The following MBOAT2 variants were observed in gnomAD, a reference collection of about 807,000 sequenced individuals.
MBOAT2 encodes the protein membrane-bound glycerophospholipid O-acyltransferase 2.
A neutral mutation model predicts 63.4 loss-of-function variants in MBOAT2; 28 were observed. That is an observed-to-expected ratio of 0.44 (90% CI 0.33 to 0.61). The LOEUF (loss-of-function observed/expected upper bound fraction) is 0.61. MBOAT2 is among the 20% of genes least tolerant of loss of function. The probability of loss-of-function intolerance (pLI) is 0.03; values close to 1 mark genes in which losing one functional copy is unlikely to be tolerated. For missense variants in MBOAT2, 470 were observed against 605.8 expected, an observed-to-expected ratio of 0.78 and a Z score of 2.35; for synonymous variants, 211 against 215.6, an observed-to-expected ratio of 0.98 and a Z score of 0.19.
At chr2:8,915,750 C>T (rs1403323590) in intron 3 of MBOAT2, among the ~76,000 whole-genome samples, 1 of 152,192 alleles carries the variant, frequency 6.6e-6, no homozygotes, top group Non-Finnish European at 1.5e-5. Context: ...CACTGAATGT[C>T]TTCAAATAGA....
intron 2 of MBOAT2, among the ~76,000 whole-genome samples, chr2:8,945,854 A>G (rs931094357): frequency 6.6e-6 from 1 of 152,254 alleles, no homozygotes; most frequent in African/African-American, 2.4e-5. Flanking sequence ...GGTTTAAAAA[A>G]AGGTTGAAAA....
chr2:8,931,504 T>C (rs1300622689), intron 3 of MBOAT2, among the ~76,000 whole-genome samples: 2 of 152,208 alleles, frequency 1.3e-5, no homozygotes, highest in Admixed American at 1.3e-4. Flanking sequence ...GTCAGATGGT[T>C]AGATTGCAAA....
chr2:8,979,935 C>A (rs1427628877), intron 1 of MBOAT2, among the ~76,000 whole-genome samples: 2 of 152,118 alleles, frequency 1.3e-5, no homozygotes, highest in Non-Finnish European at 2.9e-5. Context: ...AGATGGAAAA[C>A]CATCTGTGCA....
At chr2:9,000,472 C>T (rs976564609) in intron 1 of MBOAT2, among the ~76,000 whole-genome samples, 2 of 152,202 alleles carry the variant, frequency 1.3e-5, no homozygotes, top group Admixed American at 6.5e-5. Flanking sequence ...CAAAGAACAA[C>T]TTATTATCAC....
intron 3 of MBOAT2, among the ~76,000 whole-genome samples, chr2:8,932,562 T>A: frequency 6.6e-6 from 1 of 152,124 alleles, no homozygotes; most frequent in African/African-American, 2.4e-5. Context: ...TTTACAAGAA[T>A]CTCACTAAAT....
intron 5 of MBOAT2, 85 bp from the exon 6 acceptor site, chr2:8,882,650 CA>C: frequency 8.4e-7 from 1 of 1,195,198 alleles, no homozygotes; most frequent in Non-Finnish European, 1.2e-6. Context: ...TTACTTTCCT[CA>C]TTTGAAATTC....
intron 4 of MBOAT2, among the ~76,000 whole-genome samples, chr2:8,892,196 G>A (rs993719725): frequency 6.6e-6 from 1 of 152,166 alleles, no homozygotes; most frequent in Non-Finnish European, 1.5e-5. Flanking sequence ...AAGCTTAAGG[G>A]AAGTCTGTAT....
chr2:8,948,582 G>A (rs372603890), intron 2 of MBOAT2, among the ~76,000 whole-genome samples: 1 of 152,182 alleles, frequency 6.6e-6, no homozygotes, highest in South Asian at 2.1e-4. Flanking sequence ...TTATAAGTGA[G>A]ACCATGCAAT....
At chr2:8,982,864 T>C (rs1449176770) in intron 1 of MBOAT2, among the ~76,000 whole-genome samples, 1 of 152,188 alleles carries the variant, frequency 6.6e-6, no homozygotes. Context: ...TGATTCCCAA[T>C]TTCCTAATTA....
rs114859769 is a variant in MBOAT2 at position 8,858,540 on chromosome 2, T to A, written c.*139A>T. On this transcript the variant is annotated 3_prime_UTR_variant, in exon 13 of 13. Coordinates refer to ENST00000305997, the MANE Select transcript of MBOAT2 (RefSeq NM_138799.4). ...GTTTCACTCCATTTCCAATCTGGTGTACAGGAAATTCCTTATCTATAACTG... is the reference window on the plus strand; with the variant it reads ...GTTTCACTCCATTTCCAATCTGGTGAACAGGAAATTCCTTATCTATAACTG... The A allele has an allele frequency of 5.7e-4, 353 of 621,764 alleles. 1 individual carries two copies. Among genetic ancestry groups the A allele is most frequent in the African/African-American group, 5.6e-3 (305 of 54,444 alleles). 38.5% of individuals were successfully genotyped at this position (621,764 alleles called of 1,614,324 possible).
At chr2:8,860,950 C>T (rs1661450244) in intron 11 of MBOAT2, 186 bp from the exon 12 acceptor site, 1 of 473,142 alleles carries the variant, frequency 2.1e-6, no homozygotes, top group Non-Finnish European at 3.8e-6. Context: ...ACACATTGTA[C>T]ACACTGTGTA....
chr2:8,949,015 T>C (rs980829239), intron 2 of MBOAT2, among the ~76,000 whole-genome samples: 6 of 152,238 alleles, frequency 3.9e-5, no homozygotes, highest in Admixed American at 6.5e-5. Context: ...GTTTTGACTT[T>C]TTAATAATAA....
intron 4 of MBOAT2, among the ~76,000 whole-genome samples, chr2:8,901,694 C>T (rs1217570875): frequency 6.6e-6 from 1 of 152,094 alleles, no homozygotes; most frequent in Non-Finnish European, 1.5e-5. Flanking sequence ...AGGAGGGATT[C>T]TAAAATTCCA....
chr2:8,995,679 C>T (rs1672238455), intron 1 of MBOAT2, among the ~76,000 whole-genome samples: 1 of 151,440 alleles, frequency 6.6e-6, no homozygotes, highest in Admixed American at 6.6e-5. Flanking sequence ...CAAGCTCTGC[C>T]TCCCGGGTTC....
intron 1 of MBOAT2, among the ~76,000 whole-genome samples, chr2:8,992,033 G>A (rs890452014): frequency 3.3e-5 from 5 of 152,026 alleles, no homozygotes; most frequent in African/African-American, 4.8e-5. Flanking sequence ...TAGCTATTTC[G>A]CCTAACCTCA....
At chr2:8,876,897 G>A in intron 7 of MBOAT2, 133 bp downstream of exon 7, 1 of 830,378 alleles carries the variant, frequency 1.2e-6, no homozygotes, top group Non-Finnish European at 1.8e-6. Flanking sequence ...CAGGTGCAGT[G>A]TGAAGTTATT....
rs749861726 is a variant in MBOAT2 at position 8,865,793 on chromosome 2, T to C, written c.988-1559A>G. Among the ~76,000 whole-genome samples the C allele has an allele frequency of 5.9e-5, 9 of 152,152 alleles. 1 individual carries two copies. Among genetic ancestry groups the C allele is most frequent in the Admixed American group, 5.9e-4 (9 of 15,280 alleles). ...GGCTCATGCCAGTAATCCCAGCCCT[T>C]TGGGAGGCCGAGGTGGGTAGATCGC... On this transcript the variant is annotated intron_variant, in intron 9 of 12. Coordinates refer to ENST00000305997, the MANE Select transcript of MBOAT2 (RefSeq NM_138799.4).
chr2:8,995,031 TGA>T (rs527405014), intron 1 of MBOAT2, among the ~76,000 whole-genome samples: 195 of 152,280 alleles, frequency 1.3e-3, no homozygotes, highest in Non-Finnish European at 2.2e-3. Context: ...GGAAAGAGTG[TGA>T]GAGTTTGTCA....
chr2:8,980,662 G>T (rs1188190959), intron 1 of MBOAT2, among the ~76,000 whole-genome samples: 1 of 152,034 alleles, frequency 6.6e-6, no homozygotes, highest in African/African-American at 2.4e-5. Flanking sequence ...AAAATATTAT[G>T]CACTATACCA....
Sources: allele counts gnomAD v4.1 joint callset (sites outside exome capture counted in the v4.1 genomes callset), GRCh38; gene constraint gnomAD v4.1.1; transcripts MANE v1.5; gene names NCBI Gene and HGNC (gene_info 2026-07-23, HGNC 2026-07-21).